Variants in BCKDHB observed in about 807,000 individuals in gnomAD.
BCKDHB encodes the protein branched chain keto acid dehydrogenase E1 subunit beta, also known as 2-oxoisovalerate dehydrogenase subunit beta, mitochondrial.
BCKDHB carries 41 observed loss-of-function variants against 48.5 expected under a neutral mutation model. That is an observed-to-expected ratio of 0.85 (90% confidence interval 0.66 to 1.10). The LOEUF (loss-of-function observed/expected upper bound fraction) is 1.10, where lower values mean the gene tolerates loss of function less well. BCKDHB is among the 50% of genes least tolerant of loss of function. The probability of loss-of-function intolerance (pLI) is 0.00; values close to 1 mark genes in which losing one functional copy is unlikely to be tolerated. For missense variants in BCKDHB, 496 were observed against 494.2 expected, an observed-to-expected ratio of 1.00 and a Z score of -0.03; for synonymous variants, 201 against 174.8, an observed-to-expected ratio of 1.15 and a Z score of -1.18.
chr6:80,297,859 T>A (rs1406694761), intron 9 of BCKDHB, among the ~76,000 whole-genome samples: 1 of 152,202 alleles, frequency 6.6e-6, no homozygotes, highest in East Asian at 1.9e-4. Flanking sequence ...CAATTTCTGA[T>A]GCCCCCAGTG....
chr6:80,299,925 A>G (rs1767486658), intron 9 of BCKDHB, among the ~76,000 whole-genome samples: 1 of 152,208 alleles, frequency 6.6e-6, no homozygotes, highest in Non-Finnish European at 1.5e-5. Flanking sequence ...ATATAAAGAC[A>G]AGACGAAAGC....
intron 3 of BCKDHB, among the ~76,000 whole-genome samples, chr6:80,140,970 C>G (rs1484707019): frequency 2.0e-5 from 3 of 152,096 alleles, no homozygotes; most frequent in African/African-American, 7.2e-5. Flanking sequence ...TGATTATTGC[C>G]ACAATTTCAG....
chr6:80,340,571 A>G (rs1883976), intron 9 of BCKDHB, among the ~76,000 whole-genome samples: 118,055 of 152,166 alleles, frequency 0.78, 46,170 homozygotes, highest in Admixed American at 0.84. Flanking sequence ...TTAATTCCCA[A>G]TTTATGTGGC....
intron 1 of BCKDHB, among the ~76,000 whole-genome samples, chr6:80,123,861 T>G (rs1446772282): frequency 1.3e-5 from 2 of 152,192 alleles, no homozygotes; most frequent in Non-Finnish European, 2.9e-5. Context: ...ATTCATTGAT[T>G]TTTTTGAACG....
At chr6:80,356,757 T>C in the BCKDHB span, 1 of 152,168 alleles carries the variant, frequency 6.6e-6, no homozygotes, top group African/African-American at 2.4e-5. Context: ...CTTTCTGTTT[T>C]GTAAAACACT....
At chr6:80,216,086 A>T (rs184929508) in intron 8 of BCKDHB, among the ~76,000 whole-genome samples, 1 of 152,218 alleles carries the variant, frequency 6.6e-6, no homozygotes, top group Non-Finnish European at 1.5e-5. Flanking sequence ...ATGGTAAATT[A>T]AAAAAGTTAA....
the BCKDHB span, among the ~76,000 whole-genome samples, chr6:80,427,540 C>T: frequency 1.3e-5 from 2 of 152,104 alleles, no homozygotes; most frequent in Non-Finnish European, 2.9e-5. Flanking sequence ...CACATGTTTA[C>T]TATTTGCAGC....
At chr6:80,401,638 G>A in the BCKDHB span, among the ~76,000 whole-genome samples, 1 of 151,554 alleles carries the variant, frequency 6.6e-6, no homozygotes, top group Non-Finnish European at 1.5e-5. Context: ...TATACAACAT[G>A]GTATTCTTAG....
chr6:80,133,922 C>G (rs569207690), intron 3 of BCKDHB, among the ~76,000 whole-genome samples: 1 of 152,006 alleles, frequency 6.6e-6, no homozygotes, highest in Non-Finnish European at 1.5e-5. Flanking sequence ...GGATTACAGG[C>G]GTGAGCCACT....
At chr6:80,360,486 A>C in the BCKDHB span, among the ~76,000 whole-genome samples, 3 of 152,328 alleles carry the variant, frequency 2.0e-5, no homozygotes, top group South Asian at 6.2e-4. Context: ...GAAGAAAATA[A>C]GTGATAAGTA....
intron 8 of BCKDHB, among the ~76,000 whole-genome samples, chr6:80,209,398 A>G (rs187844633): frequency 5.3e-5 from 8 of 152,034 alleles, no homozygotes; most frequent in African/African-American, 1.7e-4. Flanking sequence ...AGCAATCTTG[A>G]AGAAGAACAA....
At chr6:80,145,379 A>T (rs1334945744) in intron 3 of BCKDHB, among the ~76,000 whole-genome samples, 1 of 152,184 alleles carries the variant, frequency 6.6e-6, no homozygotes, top group Admixed American at 6.6e-5. Flanking sequence ...CTTTGCTAAC[A>T]TTGTGGTATC....
chr6:80,363,858 A>T, the BCKDHB span, among the ~76,000 whole-genome samples: 1 of 152,204 alleles, frequency 6.6e-6, no homozygotes. Context: ...ATATGGCAAA[A>T]ATTACGTAGG....
the BCKDHB span, among the ~76,000 whole-genome samples, chr6:80,423,649 G>T: frequency 6.6e-6 from 1 of 152,282 alleles, no homozygotes; most frequent in Admixed American, 6.5e-5. Context: ...TATATAGGTT[G>T]ATTTTGTAGA....
the BCKDHB span, among the ~76,000 whole-genome samples, chr6:80,427,980 G>A: frequency 1.3e-4 from 19 of 151,654 alleles, no homozygotes; most frequent in African/African-American, 3.4e-4. Flanking sequence ...TTGCTGCACC[G>A]TCACCTACAT....
the BCKDHB span, among the ~76,000 whole-genome samples, chr6:80,455,077 C>A: frequency 6.6e-6 from 1 of 152,248 alleles, no homozygotes; most frequent in South Asian, 2.1e-4. Context: ...TTATTTCCTG[C>A]ATATAGAAGC....
the BCKDHB span, among the ~76,000 whole-genome samples, chr6:80,406,244 G>T: frequency 6.6e-6 from 1 of 152,210 alleles, no homozygotes; most frequent in Non-Finnish European, 1.5e-5. Context: ...ATTTGGGTTT[G>T]TTCCAAGTCT....
intron 9 of BCKDHB, among the ~76,000 whole-genome samples, chr6:80,308,597 C>CTTTTTT (rs34359456): frequency 7.2e-6 from 1 of 138,628 alleles, no homozygotes; most frequent in Non-Finnish European, 1.5e-5. Context: ...TCTTCTTCTT[C>CTTTTTT]TTTTTTTTTT....
At chr6:80,153,935 T>C (rs1771915551) in intron 3 of BCKDHB, among the ~76,000 whole-genome samples, 1 of 152,224 alleles carries the variant, frequency 6.6e-6, no homozygotes, top group South Asian at 2.1e-4. Flanking sequence ...TTTCTATCTT[T>C]ATCTCCCACT....
Sources: allele counts gnomAD v4.1 joint callset (sites outside exome capture counted in the v4.1 genomes callset), GRCh38; gene constraint gnomAD v4.1.1; transcripts MANE v1.5; gene names NCBI Gene and HGNC (gene_info 2026-07-23, HGNC 2026-07-21).